PTPRO: variants seen among roughly 807,000 people sequenced by gnomAD.
The protein encoded by PTPRO is protein tyrosine phosphatase receptor type O, also known as receptor-type tyrosine-protein phosphatase O.
PTPRO carries 62 observed loss-of-function variants against 145.2 expected under a neutral mutation model. That is an observed-to-expected ratio of 0.43 (90% CI 0.35 to 0.53). The LOEUF (loss-of-function observed/expected upper bound fraction) is 0.53. Among genes scored for constraint, PTPRO ranks in the 20% least tolerant of loss-of-function variants. The probability of loss-of-function intolerance (pLI) is 0.01; values close to 1 mark genes in which losing one functional copy is unlikely to be tolerated. For missense variants in PTPRO, 1,345 were observed against 1,482.7 expected (o/e 0.91, Z 1.53); for synonymous variants, 565 against 514.7 (o/e 1.10, Z -1.32).
At chr12:15,549,034 T>C (rs1943379607) in intron 13 of PTPRO, 60 bp from the exon 14 acceptor site, 1 of 1,543,360 alleles carries the variant, frequency 6.5e-7, no homozygotes, top group Non-Finnish European at 8.9e-7. Flanking sequence ...CTATGAAATA[T>C]ATTTTTAAAA....
At chr12:15,569,552 G>C in intron 19 of PTPRO, 54 bp downstream of exon 19, 1 of 1,490,380 alleles carries the variant, frequency 6.7e-7, no homozygotes, top group Non-Finnish European at 9.4e-7. Context: ...CCTGGGAATT[G>C]GGGGGTTTGT....
At chr12:15,473,170 T>C (rs930302951) in intron 1 of PTPRO, among the ~76,000 whole-genome samples, 2 of 151,904 alleles carry the variant, frequency 1.3e-5, no homozygotes, top group African/African-American at 4.8e-5. Context: ...GGCAGAAGAG[T>C]AGGTGTCATC....
chr12:15,326,007 T>C (rs1206398187), intron 1 of PTPRO, among the ~76,000 whole-genome samples: 3 of 152,168 alleles, frequency 2.0e-5, no homozygotes, highest in Non-Finnish European at 4.4e-5. Flanking sequence ...CTGAAACAGG[T>C]TTATATTTAA....
intron 13 of PTPRO, 70 bp from the exon 14 acceptor site, chr12:15,549,024 C>T: frequency 3.4e-6 from 5 of 1,490,186 alleles, no homozygotes; most frequent in Non-Finnish European, 4.7e-6. Context: ...ACCAACTCAA[C>T]TATGAAATAT....
At chr12:15,499,394 G>GAAAAT (rs763370836) in intron 3 of PTPRO, 48 bp from the exon 4 acceptor site, 1 of 1,558,914 alleles carries the variant, frequency 6.4e-7, no homozygotes, top group South Asian at 1.1e-5. Context: ...AGAAGTGTGT[G>GAAAAT]ATGTTTAGAA....
At chr12:15,506,673 G>A (rs1400459085) in intron 6 of PTPRO, among the ~76,000 whole-genome samples, 9 of 152,168 alleles carry the variant, frequency 5.9e-5, no homozygotes, top group Admixed American at 1.3e-4. Context: ...CAGCATAGGG[G>A]AAACCACCTC....
intron 1 of PTPRO, among the ~76,000 whole-genome samples, chr12:15,356,776 GA>G (rs1490980541): frequency 6.6e-6 from 1 of 152,096 alleles, no homozygotes; most frequent in African/African-American, 2.4e-5. Flanking sequence ...TAAATATAGT[GA>G]TTGCTCAGAA....
At chr12:15,433,451 G>A (rs566765896) in intron 1 of PTPRO, among the ~76,000 whole-genome samples, 107 of 152,288 alleles carry the variant, frequency 7.0e-4, no homozygotes, top group Non-Finnish European at 1.1e-3. Flanking sequence ...CCAAAGTGCT[G>A]GGATTACAGG....
intron 1 of PTPRO, among the ~76,000 whole-genome samples, chr12:15,476,740 A>G (rs1194490382): frequency 2.0e-5 from 3 of 151,972 alleles, no homozygotes; most frequent in Non-Finnish European, 4.4e-5. Flanking sequence ...GCCAAAAAAC[A>G]CATGAAAAAA....
intron 1 of PTPRO, among the ~76,000 whole-genome samples, chr12:15,324,463 G>A (rs890666628): frequency 2.6e-5 from 4 of 152,124 alleles, no homozygotes; most frequent in African/African-American, 9.7e-5. Context: ...AGTTAGTGAT[G>A]GTGTAATGAA....
chr12:15,554,453 A>C (rs1195593979), intron 15 of PTPRO, among the ~76,000 whole-genome samples: 1 of 151,848 alleles, frequency 6.6e-6, no homozygotes, highest in Non-Finnish European at 1.5e-5. Flanking sequence ...TTATACATAG[A>C]TATAGGTATA....
chr12:15,566,442 C>A (rs1943900575), intron 18 of PTPRO, among the ~76,000 whole-genome samples: 2 of 152,108 alleles, frequency 1.3e-5, no homozygotes, highest in Non-Finnish European at 2.9e-5. Flanking sequence ...TCTTGAGTGG[C>A]ATATAATTTT....
intron 1 of PTPRO, among the ~76,000 whole-genome samples, chr12:15,417,031 G>T (rs1411036327): frequency 6.6e-6 from 1 of 151,492 alleles, no homozygotes; most frequent in Non-Finnish European, 1.5e-5. Context: ...GACATTATTT[G>T]TGCCTTCCTG....
intron 1 of PTPRO, among the ~76,000 whole-genome samples, chr12:15,354,441 C>T (rs925231787): frequency 6.6e-6 from 1 of 152,180 alleles, no homozygotes; most frequent in Non-Finnish European, 1.5e-5. Flanking sequence ...TATTTATACA[C>T]ATTATAATAA....
At chr12:15,555,987 A>C (rs1157994498) in intron 15 of PTPRO, among the ~76,000 whole-genome samples, 1 of 152,214 alleles carries the variant, frequency 6.6e-6, no homozygotes, top group African/African-American at 2.4e-5. Context: ...TTATTAAAAA[A>C]TATGTAATCT....
At chr12:15,357,946 T>C (rs1938049321) in intron 1 of PTPRO, among the ~76,000 whole-genome samples, 1 of 151,352 alleles carries the variant, frequency 6.6e-6, no homozygotes, top group African/African-American at 2.4e-5. Context: ...CGTATGTTTA[T>C]TGCGTCACTA....
At chr12:15,494,658 A>T (rs1304478207) in intron 2 of PTPRO, among the ~76,000 whole-genome samples, 2 of 152,040 alleles carry the variant, frequency 1.3e-5, no homozygotes, top group East Asian at 3.9e-4. Context: ...ACATTCTCTT[A>T]GTTTAAAGTT....
intron 12 of PTPRO, 178 bp from the exon 13 acceptor site, chr12:15,546,391 C>T: frequency 7.0e-7 from 1 of 1,432,918 alleles, no homozygotes; most frequent in Non-Finnish European, 9.1e-7. Flanking sequence ...AAGTATTCTG[C>T]CTTCCAAGTT....
intron 1 of PTPRO, among the ~76,000 whole-genome samples, chr12:15,371,330 T>A (rs1225146149): frequency 6.6e-6 from 1 of 152,002 alleles, no homozygotes; most frequent in African/African-American, 2.4e-5. Flanking sequence ...CTTCCTGGGT[T>A]CAAGCAATTC....
Sources: gnomAD v4.1 joint callset for allele counts (sites outside exome capture counted in the v4.1 genomes callset) on GRCh38, gnomAD v4.1.1 for gene constraint, MANE v1.5 for transcripts, NCBI Gene and HGNC (gene_info 2026-07-23, HGNC 2026-07-21) for gene names.